The following ZNRF3 variants were observed in gnomAD, a reference collection of about 807,000 sequenced individuals.
ZNRF3 encodes the protein zinc and ring finger 3.
ZNRF3 carries 23 observed loss-of-function variants against 72.5 expected under a neutral mutation model. The observed-to-expected ratio is 0.32, with a 90% confidence interval of 0.23 to 0.45. The LOEUF is 0.45. ZNRF3 is among the 20% of genes least tolerant of loss of function. The pLI is 1.00. For synonymous variants in ZNRF3, 610 were observed against 545.3 expected, an observed-to-expected ratio of 1.12 and a Z score of -1.65; for missense variants, 1,169 against 1,272.1, an observed-to-expected ratio of 0.92 and a Z score of 1.23.
chr22:28,981,366 A>T (rs756902201), intron 1 of ZNRF3, among the ~76,000 whole-genome samples: 14 of 152,160 alleles, frequency 9.2e-5, no homozygotes, highest in Admixed American at 2.6e-4. Flanking sequence ...TTATCTTTTT[A>T]AAAAAATTGA....
At chr22:28,948,444 G>A (rs1003817753) in intron 1 of ZNRF3, among the ~76,000 whole-genome samples, 1 of 152,242 alleles carries the variant, frequency 6.6e-6, no homozygotes, top group African/African-American at 2.4e-5. Flanking sequence ...GGGATTACAG[G>A]TGTTGGCCCA....
intron 8 of ZNRF3, among the ~76,000 whole-genome samples, chr22:29,052,721 C>G (rs1339599670): frequency 3.3e-5 from 5 of 151,388 alleles, no homozygotes; most frequent in African/African-American, 1.2e-4. Flanking sequence ...TAACTCCTGG[C>G]TGAGTGCTTT....
At chr22:28,966,783 T>G (rs2035470619) in intron 1 of ZNRF3, among the ~76,000 whole-genome samples, 1 of 151,540 alleles carries the variant, frequency 6.6e-6, no homozygotes, top group South Asian at 2.1e-4. Context: ...TACAGTAAGC[T>G]AAGGTTAATT....
At chr22:29,038,338 C>CT (rs541653084) in intron 2 of ZNRF3, among the ~76,000 whole-genome samples, 7,517 of 138,042 alleles carry the variant, frequency 0.054, 254 homozygotes, top group African/African-American at 0.1. Flanking sequence ...TGTTCTGTTG[C>CT]TTTTTTTTTT....
intron 2 of ZNRF3, chr22:29,031,760 C>T (rs1179270160): frequency 9.3e-6 from 3 of 321,268 alleles, no homozygotes; most frequent in African/African-American, 6.7e-5. Flanking sequence ...TGGCCAGTCC[C>T]TAGGACCGGC....
chr22:28,917,795 A>C (rs1240973849), intron 1 of ZNRF3, among the ~76,000 whole-genome samples: 1 of 152,236 alleles, frequency 6.6e-6, no homozygotes, highest in Non-Finnish European at 1.5e-5. Context: ...GGCCCCCTCC[A>C]CAGGGTACCA....
intron 1 of ZNRF3, among the ~76,000 whole-genome samples, chr22:28,966,222 T>A (rs1458632594): frequency 6.6e-6 from 1 of 152,224 alleles, no homozygotes; most frequent in Non-Finnish European, 1.5e-5. Context: ...AAATGAAATG[T>A]TTGAAATGCA....
At chr22:29,005,720 C>T (rs2036229728) in intron 2 of ZNRF3, among the ~76,000 whole-genome samples, 1 of 152,144 alleles carries the variant, frequency 6.6e-6, no homozygotes, top group Non-Finnish European at 1.5e-5. Context: ...TCACATCTGA[C>T]TGGAGAGAGT....
intron 1 of ZNRF3, among the ~76,000 whole-genome samples, chr22:28,937,199 ATATATATATATATATATTTTTTTTTTTTT>A (rs1273790492): frequency 0.072 from 448 of 6,204 alleles, 5 homozygotes; most frequent in South Asian, 0.24. Flanking sequence ...ATATATATAT[ATATATATATATATATATTTTTTTTTTTTT>A]TTTTTTTTTT....
chr22:29,018,156 A>T, intron 2 of ZNRF3: 1 of 459,434 alleles, frequency 2.2e-6, no homozygotes, highest in Non-Finnish European at 4.4e-6. Context: ...TTGAGACTTG[A>T]ATCTGAGAAG....
At chr22:28,989,198 G>A (rs1340003260) in intron 2 of ZNRF3, among the ~76,000 whole-genome samples, 1 of 152,176 alleles carries the variant, frequency 6.6e-6, no homozygotes. Context: ...CTGGTGGCGG[G>A]CAGCATTTGC....
chr22:28,940,846 C>T (rs2034932678), intron 1 of ZNRF3, among the ~76,000 whole-genome samples: 1 of 152,070 alleles, frequency 6.6e-6, no homozygotes. Flanking sequence ...TTTCAGCACC[C>T]CCACCCAGAA....
At chr22:28,951,094 A>G (rs2123794878) in intron 1 of ZNRF3, among the ~76,000 whole-genome samples, 1 of 152,286 alleles carries the variant, frequency 6.6e-6, no homozygotes, top group Admixed American at 6.5e-5. Context: ...TTGTGGTATT[A>G]TAGACTTTTG....
Position 29,012,076 on chromosome 22 carries a change from GT to G in ZNRF3, c.426+24877del, listed in dbSNP as rs1285403864. 2.0e-5 allele frequency among the ~76,000 whole-genome samples: 3 copies of G among 152,242 alleles called. No homozygotes were observed. In the East Asian group the frequency reaches 5.8e-4, roughly 29 times the overall value. On this transcript the variant is annotated intron_variant, in intron 2 of 8. Transcript: ENST00000544604. ...ACCTGGATTGGCCAAGTCGTTTGAA[GT>G]TGCTAGCCAAGTTGGATCTTATGTT...
At position 29,029,689 on chromosome 22, in the gene ZNRF3, G is replaced by GT. The variant is rs754245703; in HGVS notation, c.427-12799dup. The stretch of plus-strand genomic sequence containing the variant: ...CTCTAGGGGTAGGTCCTGGGCTCGA[G>GT]TTTTTTTGTTTTTGTTTTTGTGTTT... On this transcript the variant is annotated intron_variant, in intron 2 of 8. Coordinates refer to ENST00000544604, the MANE Select transcript of ZNRF3 (RefSeq NM_001206998.2). 9.3e-4 allele frequency among the ~76,000 whole-genome samples: 142 copies of GT among 152,278 alleles called. 1 individual carries two copies. Among genetic ancestry groups the GT allele is most frequent in the Non-Finnish European group, 1.8e-3 (124 of 68,024 alleles).
chr22:28,924,741 A>AAAT (rs201978506), intron 1 of ZNRF3, among the ~76,000 whole-genome samples: 3,341 of 152,092 alleles, frequency 0.022, 94 homozygotes, highest in African/African-American at 0.064. Context: ...TGTCTCTAAA[A>AAAT]AATAATAATA....
At chr22:28,896,260 G>A (rs989435337) in intron 1 of ZNRF3, among the ~76,000 whole-genome samples, 1 of 152,028 alleles carries the variant, frequency 6.6e-6, no homozygotes, top group Non-Finnish European at 1.5e-5. Flanking sequence ...TCAGCCTCCC[G>A]AGTAGCTGGG....
intron 1 of ZNRF3, among the ~76,000 whole-genome samples, chr22:28,932,447 C>G (rs556685427): frequency 1.3e-5 from 2 of 152,278 alleles, no homozygotes; most frequent in African/African-American, 2.4e-5. Context: ...GCAAAATGTC[C>G]ATTTTGCTGA....
chr22:29,022,270 T>C (rs1324515873), intron 2 of ZNRF3, among the ~76,000 whole-genome samples: 4 of 152,242 alleles, frequency 2.6e-5, no homozygotes, highest in African/African-American at 9.6e-5. Flanking sequence ...TACCTACGAA[T>C]TGTACATTAA....
Sources: gnomAD v4.1 joint callset for allele counts (sites outside exome capture counted in the v4.1 genomes callset) on GRCh38, gnomAD v4.1.1 for gene constraint, MANE v1.5 for transcripts, NCBI Gene and HGNC (gene_info 2026-07-23, HGNC 2026-07-21) for gene names.